The following VPS54 variants were observed in gnomAD, a reference collection of about 807,000 sequenced individuals.
VPS54 encodes vacuolar protein sorting-associated protein 54.
A neutral mutation model predicts 121.5 loss-of-function variants in VPS54; 45 were observed. The observed-to-expected ratio is 0.37, with a 90% confidence interval of 0.29 to 0.47. The LOEUF (loss-of-function observed/expected upper bound fraction) is 0.47. VPS54 is among the 20% of genes least tolerant of loss of function. The probability of loss-of-function intolerance (pLI) is 0.99; values close to 1 mark genes in which losing one functional copy is unlikely to be tolerated. For synonymous variants in VPS54, 371 were observed against 385.8 expected, an observed-to-expected ratio of 0.96 and a Z score of 0.45; for missense variants, 1,090 against 1,131.4, an observed-to-expected ratio of 0.96 and a Z score of 0.52.
Position 63,921,321 on chromosome 2 carries a change from A to C in VPS54, c.1754T>G (p.Met585Arg). The C allele has an allele frequency of 6.2e-7, 1 of 1,612,440 alleles. No homozygotes were observed. Among genetic ancestry groups the C allele is most frequent in the Non-Finnish European group, 8.5e-7 (1 of 1,179,062 alleles). Residue 585 changes from methionine to arginine, a missense_variant, in exon 13 of 23, where the codon ATG (methionine) becomes AGG (arginine). Physicochemically the swap from Met to Arg is moderately conservative, Grantham distance 91 (BLOSUM62 -1). Around this residue, in one of 2 missense-constraint regions of VPS54, gnomAD observed 801 missense variants for 757.0 expected, o/e 1.06. Coordinates refer to ENST00000272322, the MANE Select transcript of VPS54 (RefSeq NM_016516.3). ...TCCTAGCTCTGAGTCAGTTAATTTCATATCTTCACTGACCCTGAAAATAAC... is the reference window on the plus strand; with the variant it reads ...TCCTAGCTCTGAGTCAGTTAATTTCCTATCTTCACTGACCCTGAAAATAAC... Reference protein sequence around the residue: ...GGVDIMVSEDMKLTDSELGKL... With the variant: ...GGVDIMVSEDRKLTDSELGKL...
intron 12 of VPS54, among the ~76,000 whole-genome samples, chr2:63,933,259 T>C (rs1006268698): frequency 5.9e-5 from 9 of 151,870 alleles, no homozygotes; most frequent in Non-Finnish European, 7.4e-5. Context: ...CCAAAAGTTA[T>C]AAATCAAACA....
intron 5 of VPS54, among the ~76,000 whole-genome samples, chr2:63,967,014 A>C (rs904414511): frequency 6.6e-6 from 1 of 152,198 alleles, no homozygotes; most frequent in Non-Finnish European, 1.5e-5. Context: ...ATACTTAATT[A>C]TTTACCTCAT....
chr2:63,914,145 G>T lies in VPS54; in HGVS notation c.2334+37C>A, dbSNP rs777857692. The T allele has an allele frequency of 5.8e-6, 9 of 1,540,446 alleles. No individual in the cohort carries two copies. The South Asian group carries it at 1.0e-4, about 18-fold the overall frequency. ...TCACACCCTAATGTATTAATTCCTC[G>T]AAAAATTTTTCCATAATGGAGTGAA... On this transcript the variant is annotated intron_variant, in intron 17 of 22. Transcript: ENST00000272322.
chr2:63,912,869 C>CA (rs1307948944), intron 18 of VPS54, among the ~76,000 whole-genome samples: 1 of 152,104 alleles, frequency 6.6e-6, no homozygotes, highest in African/African-American at 2.4e-5. Flanking sequence ...GCTGCTTTCA[C>CA]AAAGGACTCA....
intron 3 of VPS54, 27 bp downstream of exon 3, chr2:63,981,619 C>G (rs762306867): frequency 7.8e-6 from 12 of 1,537,432 alleles, no homozygotes; most frequent in Non-Finnish European, 9.6e-6. Flanking sequence ...TTTGACCTGA[C>G]TGTAACTAGC....
At chr2:63,950,791 T>C (rs184404084) in intron 7 of VPS54, among the ~76,000 whole-genome samples, 114 of 152,242 alleles carry the variant, frequency 7.5e-4, no homozygotes, top group African/African-American at 2.2e-3. Context: ...GCTTTTTTTT[T>C]CCCCCAGAGT....
rs189560425 is a variant in VPS54, at chr2:63,935,614, A to G, written c.1399-1601T>C. Among the ~76,000 whole-genome samples, 4 of 152,298 alleles carry G rather than the reference A, an allele frequency of 2.6e-5. No homozygotes were observed. The East Asian group carries it at 7.7e-4, about 29-fold the overall frequency. Reference sequence around the variant, plus strand: ...ACTTTTCCCATGGTACAACAGCCATATAATTTGGGTAGAAATAAGCCCACT... The same window carrying G: ...ACTTTTCCCATGGTACAACAGCCATGTAATTTGGGTAGAAATAAGCCCACT... On this transcript the variant is annotated intron_variant, in intron 11 of 22. Coordinates refer to ENST00000272322, the MANE Select transcript of VPS54 (RefSeq NM_016516.3).
intron 5 of VPS54, among the ~76,000 whole-genome samples, chr2:63,967,911 A>G (rs972445929): frequency 6.6e-6 from 1 of 151,996 alleles, no homozygotes; most frequent in South Asian, 2.1e-4. Flanking sequence ...AGAATTAGAT[A>G]TGGGAAGATG....
rs13005144 is a variant in VPS54, at chr2:63,996,003, T to G, written c.-20-11984A>C. Among the ~76,000 whole-genome samples, 44 of 152,200 alleles carry G rather than the reference T, an allele frequency of 2.9e-4. 1 individual carries two copies. The highest frequency in any genetic ancestry group is 1.6e-4 in the Non-Finnish European group (11 of 68,038). Reference sequence around the variant, plus strand: ...ATTGGGGGCTCCACTGTAGTAAATTTCGGAATTATGTTTCCCTGTTTAATC... The same window carrying G: ...ATTGGGGGCTCCACTGTAGTAAATTGCGGAATTATGTTTCCCTGTTTAATC... On this transcript the variant is annotated intron_variant, in intron 1 of 22. Coordinates refer to ENST00000272322, the MANE Select transcript of VPS54 (RefSeq NM_016516.3).
Position 63,921,348 on chromosome 2 carries a change from A to C in VPS54, c.1740-13T>G. The C allele has an allele frequency of 6.2e-7, 1 of 1,610,240 alleles. No individual in the cohort carries two copies. The highest frequency in any genetic ancestry group is 8.5e-7 in the Non-Finnish European group (1 of 1,177,918). On this transcript the variant is annotated splice_polypyrimidine_tract_variant and intron_variant, in intron 12 of 22. Coordinates refer to ENST00000272322, the MANE Select transcript of VPS54 (RefSeq NM_016516.3). ...ATCTTCACTGACCCTGAAAATAACAAAATAAGATTTAGTCAGGGAAAGTTG... is the reference window on the plus strand; with the variant it reads ...ATCTTCACTGACCCTGAAAATAACACAATAAGATTTAGTCAGGGAAAGTTG...
At chr2:64,013,001 C>G (rs1678498881) in intron 1 of VPS54, among the ~76,000 whole-genome samples, 1 of 152,142 alleles carries the variant, frequency 6.6e-6, no homozygotes, top group Non-Finnish European at 1.5e-5. Flanking sequence ...ATTTGTAATC[C>G]TCCAACATAA....
Position 64,019,054 on chromosome 2 carries a change from G to GGCCCGA in VPS54, c.-143_-138dup, listed in dbSNP as rs1272173499. The GGCCCGA allele has an allele frequency of 6.7e-6, 1 of 149,724 alleles. No homozygotes were observed. The highest frequency in any genetic ancestry group is 1.5e-5 in the Non-Finnish European group (1 of 67,172). 9.3% of individuals were successfully genotyped at this position (149,724 alleles called of 1,614,324 possible). A position where few individuals can be genotyped will look rare whatever the true frequency, so the allele number is the denominator to read the frequency against. The stretch of plus-strand genomic sequence containing the variant: ...GCCGCCGCCGCCCGGCGCCCGGCCG[G>GGCCCGA]GCCCGAGCCCGGGTTCCCGCCCCCG... On this transcript the variant is annotated 5_prime_UTR_variant, in exon 1 of 23. Transcript: ENST00000272322.
intron 7 of VPS54, among the ~76,000 whole-genome samples, chr2:63,960,743 C>G (rs534093588): frequency 1.3e-5 from 2 of 152,014 alleles, no homozygotes; most frequent in Non-Finnish European, 2.9e-5. Context: ...AAAATACATA[C>G]GACATACAAA....
intron 20 of VPS54, among the ~76,000 whole-genome samples, chr2:63,905,352 A>G (rs1376542396): frequency 6.6e-6 from 1 of 152,170 alleles, no homozygotes; most frequent in African/African-American, 2.4e-5. Flanking sequence ...CATGAAAGAA[A>G]CAGCAGATAA....
intron 1 of VPS54, among the ~76,000 whole-genome samples, chr2:63,995,968 G>A (rs1677564829): frequency 6.6e-6 from 1 of 152,146 alleles, no homozygotes; most frequent in Non-Finnish European, 1.5e-5. Flanking sequence ...CCACAACTTG[G>A]ATTAAGTCTA....
intron 16 of VPS54, among the ~76,000 whole-genome samples, chr2:63,914,780 A>AG (rs1673303260): frequency 1.3e-5 from 2 of 152,082 alleles, no homozygotes; most frequent in Admixed American, 1.3e-4. Flanking sequence ...TGGAAAAAAA[A>AG]AAAATCTATA....
intron 3 of VPS54, chr2:63,975,343 C>T (rs1229896454): frequency 4.4e-6 from 1 of 229,858 alleles, no homozygotes; most frequent in East Asian, 8.2e-5. Flanking sequence ...TGATAACAGT[C>T]CTTTCCCAAA....
intron 12 of VPS54, among the ~76,000 whole-genome samples, chr2:63,923,189 G>A (rs955143330): frequency 7.2e-5 from 11 of 151,804 alleles, no homozygotes; most frequent in African/African-American, 2.2e-4. Context: ...GGTGGCAGGC[G>A]CCTGTAGTCC....
At chr2:63,971,155 T>C (rs1676269239) in intron 4 of VPS54, among the ~76,000 whole-genome samples, 3 of 152,220 alleles carry the variant, frequency 2.0e-5, no homozygotes. Flanking sequence ...CCAAAACCTG[T>C]GTCTCAATCT....
Sources: allele counts gnomAD v4.1 joint callset (sites outside exome capture counted in the v4.1 genomes callset), GRCh38; gene constraint gnomAD v4.1.1; regional missense constraint gnomAD v4.1.1; transcripts MANE v1.5; gene names NCBI Gene and HGNC (gene_info 2026-07-23, HGNC 2026-07-21).